The following LAMB4 variants were observed in gnomAD, a reference collection of about 807,000 sequenced individuals.
LAMB4 encodes laminin subunit beta-4.
In LAMB4, 196 loss-of-function variants were observed where a neutral mutation model predicts 199.2. The ratio of observed to expected loss-of-function variants is 0.98; its 90% CI spans 0.88 to 1.11. The LOEUF is 1.11. Among genes scored for constraint, LAMB4 ranks in the 50% least tolerant of loss-of-function variants. LAMB4 has a pLI of 0.00. For synonymous variants in LAMB4, 744 were observed against 770.6 expected (o/e 0.97, Z 0.57); for missense variants, 2,080 against 2,171.2 (o/e 0.96, Z 0.83).
chr7:108,086,740 G>A (rs1173537747), intron 14 of LAMB4, among the ~76,000 whole-genome samples: 3 of 152,150 alleles, frequency 2.0e-5, no homozygotes, highest in Non-Finnish European at 4.4e-5. Flanking sequence ...AGCATGTTGT[G>A]GATGCTTAAA....
intron 10 of LAMB4, among the ~76,000 whole-genome samples, chr7:108,101,115 C>T (rs886704258): frequency 2.6e-5 from 4 of 152,120 alleles, no homozygotes; most frequent in African/African-American, 9.7e-5. Context: ...AGCTTCCCTG[C>T]CCCCACTTTA....
intron 14 of LAMB4, among the ~76,000 whole-genome samples, chr7:108,088,276 T>C (rs1267215764): frequency 2.0e-5 from 3 of 152,006 alleles, no homozygotes; most frequent in African/African-American, 7.3e-5. Context: ...GATTCTTGTG[T>C]CTCAGCCTCC....
chr7:108,040,564 C>T (rs369257122), intron 29 of LAMB4, among the ~76,000 whole-genome samples: 4 of 152,200 alleles, frequency 2.6e-5, no homozygotes. Context: ...AAAACAGACA[C>T]ATAGATGAAT....
At chr7:108,011,822 T>C in the LAMB4 span, among the ~76,000 whole-genome samples, 1 of 152,064 alleles carries the variant, frequency 6.6e-6, no homozygotes, top group Non-Finnish European at 1.5e-5. Flanking sequence ...ATTGGTAAAA[T>C]AAGGGTTGAA....
intron 25 of LAMB4, 32 bp from the exon 26 acceptor site, chr7:108,052,289 G>T: frequency 6.7e-7 from 1 of 1,492,636 alleles, no homozygotes. Flanking sequence ...ATGTAGTTAA[G>T]CTTGTATTAC....
At position 108,030,895 on chromosome 7, in the gene LAMB4, G is replaced by T; in HGVS notation, c.4903C>A (p.Gln1635Lys). ...SGLEDGLSLL[Q>K]TKLQRHQDHA... ...TCTTGATGCCTTTGCAACTTGGTCT[G>T]CAGCAGGGAAAGTCCATCCTCCAGC... The change falls in exon 32 of 34, where the codon CAG (glutamine) becomes AAG (lysine). Residue 1635 changes from glutamine (Q) to lysine (K), a missense_variant. By Grantham distance (53) the Gln-to-Lys change is moderately conservative. Transcript: ENST00000388781. The T allele has an allele frequency of 6.2e-7, 1 of 1,614,066 alleles. No homozygotes were observed. Among genetic ancestry groups the T allele is most frequent in the Non-Finnish European group, 8.5e-7 (1 of 1,179,972 alleles).
At chr7:108,102,329 AATCT>A (rs1346549710) in intron 10 of LAMB4, among the ~76,000 whole-genome samples, 4 of 152,262 alleles carry the variant, frequency 2.6e-5, no homozygotes, top group African/African-American at 9.6e-5. Flanking sequence ...AAAATGACAT[AATCT>A]ATCTAAACTT....
At chr7:108,049,243 T>C in intron 27 of LAMB4, 83 bp downstream of exon 27, 8 of 463,430 alleles carry the variant, frequency 1.7e-5, no homozygotes, top group Non-Finnish European at 2.6e-5. Flanking sequence ...ATTTAAAATG[T>C]AAGCTAGGGA....
At chr7:108,063,690 G>C in intron 22 of LAMB4, 71 bp downstream of exon 22, 1 of 1,320,148 alleles carries the variant, frequency 7.6e-7, no homozygotes, top group Non-Finnish European at 1.1e-6. Flanking sequence ...ATGATCATGG[G>C]AGAGCTGACA....
intron 33 of LAMB4, among the ~76,000 whole-genome samples, chr7:108,025,129 A>T (rs2034786226): frequency 6.6e-6 from 1 of 152,226 alleles, no homozygotes; most frequent in African/African-American, 2.4e-5. Flanking sequence ...GTGATGTTTC[A>T]TATGAGGAAG....
intron 11 of LAMB4, among the ~76,000 whole-genome samples, chr7:108,096,833 T>C (rs401145): frequency 0.28 from 41,149 of 146,858 alleles, 6,712 homozygotes; most frequent in Non-Finnish European, 0.36. Context: ...GCTACTTGAA[T>C]GCTGAGGTGA....
intron 3 of LAMB4, among the ~76,000 whole-genome samples, chr7:108,114,998 A>T (rs1309718108): frequency 6.6e-6 from 1 of 152,238 alleles, no homozygotes; most frequent in African/African-American, 2.4e-5. Context: ...GTGTACAATC[A>T]ATTCAAAGTT....
At chr7:108,018,553 C>A (rs2034630116), downstream of LAMB4, among the ~76,000 whole-genome samples, 1 of 152,162 alleles carries the variant, frequency 6.6e-6, no homozygotes. Flanking sequence ...TCCTGGCTAA[C>A]AAGGTGAAAC....
At chr7:108,068,540 G>T (rs1435576829) in intron 18 of LAMB4, among the ~76,000 whole-genome samples, 1 of 152,056 alleles carries the variant, frequency 6.6e-6, no homozygotes. Flanking sequence ...TAGAGACAAG[G>T]TCTCACTCTG....
At chr7:108,123,926 A>C (rs1476881896) in intron 1 of LAMB4, among the ~76,000 whole-genome samples, 1 of 152,176 alleles carries the variant, frequency 6.6e-6, no homozygotes, top group Non-Finnish European at 1.5e-5. Flanking sequence ...TCCATCCCCA[A>C]GTTACCATTG....
At chr7:108,079,990 G>T (rs1013046180) in intron 14 of LAMB4, among the ~76,000 whole-genome samples, 18 of 152,186 alleles carry the variant, frequency 1.2e-4, no homozygotes, top group Non-Finnish European at 2.6e-4. Context: ...TGGAACATAT[G>T]TTACTGTATA....
intron 14 of LAMB4, among the ~76,000 whole-genome samples, chr7:108,085,429 T>C (rs568154309): frequency 6.6e-6 from 1 of 152,270 alleles, no homozygotes; most frequent in East Asian, 1.9e-4. Context: ...TACTAATAAT[T>C]TTAAATTTTA....
intron 26 of LAMB4, among the ~76,000 whole-genome samples, chr7:108,051,110 C>T (rs961425865): frequency 5.3e-5 from 8 of 152,036 alleles, no homozygotes; most frequent in East Asian, 1.9e-4. Context: ...TTTTACCTGG[C>T]GTGGGGTGAC....
intron 30 of LAMB4, among the ~76,000 whole-genome samples, chr7:108,035,855 CTTTT>C (rs555719511): frequency 1.4e-5 from 2 of 140,986 alleles, no homozygotes; most frequent in Admixed American, 7.2e-5. Context: ...CTTTTATCAA[CTTTT>C]TTTTTTTTTT....
Sources: gnomAD v4.1 joint callset for allele counts (sites outside exome capture counted in the v4.1 genomes callset) on GRCh38, gnomAD v4.1.1 for gene constraint, MANE v1.5 for transcripts, NCBI Gene and HGNC (gene_info 2026-07-23, HGNC 2026-07-21) for gene names.